PDE3B: variants seen among roughly 807,000 people sequenced by gnomAD.
The protein encoded by PDE3B is cGMP-inhibited 3',5'-cyclic phosphodiesterase 3B.
A neutral mutation model predicts 116.8 loss-of-function variants in PDE3B; 66 were observed. The ratio of observed to expected loss-of-function variants is 0.56; its 90% CI spans 0.46 to 0.69. The LOEUF is 0.69. Ranked by LOEUF, PDE3B falls within the 30% of genes least tolerant of loss-of-function variation. The probability of loss-of-function intolerance (pLI) is 0.00; values close to 1 mark genes in which losing one functional copy is unlikely to be tolerated. For missense variants in PDE3B, 1,384 were observed against 1,368.1 expected (o/e 1.01, Z -0.18); for synonymous variants, 595 against 533.6 (o/e 1.12, Z -1.59).
At chr11:14,877,115 G>A in the PDE3B span, among the ~76,000 whole-genome samples, 5 of 152,094 alleles carry the variant, frequency 3.3e-5, no homozygotes, top group African/African-American at 1.2e-4. Context: ...AACTTTAGAA[G>A]AAATGATGAT....
At chr11:14,849,651 C>T (rs373464785) in intron 12 of PDE3B, among the ~76,000 whole-genome samples, 1 of 151,186 alleles carries the variant, frequency 6.6e-6, no homozygotes, top group Non-Finnish European at 1.5e-5. Context: ...GAAAAAAACA[C>T]ACAACCCCAT....
At chr11:14,665,507 A>T (rs1854107446) in intron 1 of PDE3B, among the ~76,000 whole-genome samples, 1 of 152,202 alleles carries the variant, frequency 6.6e-6, no homozygotes, top group African/African-American at 2.4e-5. Flanking sequence ...ATGATTGTAT[A>T]CCTAGAAAAC....
rs1436233819 is a variant in PDE3B, at chr11:14,834,838, A to G, written c.2207-144A>G. The G allele has an allele frequency of 6.4e-6, 3 of 469,398 alleles. No individual in the cohort carries two copies. The East Asian group carries it at 9.8e-5, about 15-fold the overall frequency. 29.1% of individuals were successfully genotyped at this position (469,398 alleles called of 1,614,324 possible). A position where few individuals can be genotyped will look rare whatever the true frequency, so the allele number is the denominator to read the frequency against. ...AAAAGATATTTTTTTTAATACATCA[A>G]GAGACTTTAGATGAAATAAAATTCA... On this transcript the variant is annotated intron_variant, in intron 10 of 15. Transcript: ENST00000282096.
At chr11:14,716,212 C>G (rs1590084538) in intron 1 of PDE3B, among the ~76,000 whole-genome samples, 3 of 152,190 alleles carry the variant, frequency 2.0e-5, no homozygotes, top group South Asian at 2.1e-4. Flanking sequence ...CTTTTCAGAC[C>G]AGCTTAAAAA....
intron 5 of PDE3B, among the ~76,000 whole-genome samples, chr11:14,811,394 G>A (rs200189667): frequency 2.0e-5 from 3 of 152,252 alleles, no homozygotes; most frequent in South Asian, 4.1e-4. Context: ...TATGGCTAGC[G>A]AGTTTTCCCA....
At chr11:14,688,662 T>C (rs1486341608) in intron 1 of PDE3B, among the ~76,000 whole-genome samples, 1 of 152,234 alleles carries the variant, frequency 6.6e-6, no homozygotes, top group Non-Finnish European at 1.5e-5. Context: ...AGCCATTCAC[T>C]TTTTATTTCT....
intron 12 of PDE3B, among the ~76,000 whole-genome samples, chr11:14,851,349 C>G (rs1847747557): frequency 1.3e-5 from 2 of 151,868 alleles, no homozygotes; most frequent in African/African-American, 4.8e-5. Context: ...TTTTCTGTAG[C>G]CATTTTCTGT....
intron 6 of PDE3B, 97 bp from the exon 7 acceptor site, chr11:14,819,039 G>C (rs1859426597): frequency 1.4e-6 from 1 of 691,594 alleles, no homozygotes; most frequent in Non-Finnish European, 2.5e-6. Flanking sequence ...GTTGCAGTTG[G>C]GATCTTGGTT....
intron 2 of PDE3B, among the ~76,000 whole-genome samples, chr11:14,785,298 G>C (rs1858155251): frequency 1.3e-5 from 2 of 152,078 alleles, no homozygotes; most frequent in Admixed American, 1.3e-4. Flanking sequence ...TTGCAGGGGA[G>C]AAAGGCTAGA....
intron 1 of PDE3B, among the ~76,000 whole-genome samples, chr11:14,706,461 A>G (rs1426731261): frequency 1.3e-5 from 2 of 151,870 alleles, no homozygotes; most frequent in African/African-American, 4.8e-5. Context: ...CTCATTTGTA[A>G]GACAACAATA....
the PDE3B span, among the ~76,000 whole-genome samples, chr11:14,883,804 CCA>C: frequency 6.6e-6 from 1 of 152,146 alleles, no homozygotes; most frequent in African/African-American, 2.4e-5. Context: ...GGGCTAATAT[CCA>C]GAGTCTACAA....
chr11:14,689,502 A>G (rs149949205), intron 1 of PDE3B, among the ~76,000 whole-genome samples: 4 of 152,114 alleles, frequency 2.6e-5, no homozygotes, highest in African/African-American at 9.7e-5. Context: ...TAGTTACTAG[A>G]TTCTAGAGGG....
chr11:14,884,369 A>G, the PDE3B span, among the ~76,000 whole-genome samples: 1 of 152,066 alleles, frequency 6.6e-6, no homozygotes, highest in Non-Finnish European at 1.5e-5. Context: ...TAATGAGTTC[A>G]TGTCCTTTGT....
intron 2 of PDE3B, among the ~76,000 whole-genome samples, chr11:14,778,558 C>G (rs375646620): frequency 2.5e-4 from 38 of 152,346 alleles, no homozygotes; most frequent in African/African-American, 8.2e-4. Context: ...CAAAGAGTGT[C>G]TGGAGTGGAC....
In PDE3B at chr11:14,665,027, T is replaced by A. The variant is rs957349367; in HGVS notation, c.978+19974T>A. On this transcript the variant is annotated intron_variant, in intron 1 of 15. Coordinates refer to ENST00000282096, the MANE Select transcript of PDE3B (RefSeq NM_000922.4). ...GATGCAAAAATCCTCAATAAAATAC[T>A]GGCAATCCGAATCCAGCAGCACATC... Among the ~76,000 whole-genome samples, 4 of 152,178 alleles carry A rather than the reference T, an allele frequency of 2.6e-5. No individual in the cohort carries two copies. The South Asian group carries it at 6.2e-4, about 24-fold the overall frequency.
At chr11:14,769,667 A>G (rs1038857350) in intron 1 of PDE3B, among the ~76,000 whole-genome samples, 26 of 147,608 alleles carry the variant, frequency 1.8e-4, no homozygotes, top group African/African-American at 5.6e-4. Flanking sequence ...AATATTATAT[A>G]TACATATATT....
chr11:14,818,941 A>G (rs2133950489), intron 6 of PDE3B, among the ~76,000 whole-genome samples, 195 bp from the exon 7 acceptor site: 2 of 152,246 alleles, frequency 1.3e-5, no homozygotes, highest in Middle Eastern at 3.4e-3. Flanking sequence ...TTGACTTTTC[A>G]AAAATATTTT....
At chr11:14,858,816 A>G (rs1325952403) in intron 12 of PDE3B, among the ~76,000 whole-genome samples, 2 of 152,148 alleles carry the variant, frequency 1.3e-5, no homozygotes, top group Non-Finnish European at 2.9e-5. Flanking sequence ...CCTTTCACTT[A>G]CTAGAGCTAT....
intron 4 of PDE3B, among the ~76,000 whole-genome samples, chr11:14,793,673 G>T (rs1198939581): frequency 6.6e-6 from 1 of 152,088 alleles, no homozygotes; most frequent in Non-Finnish European, 1.5e-5. Flanking sequence ...AAAAAAATAG[G>T]CAAGTTGTGT....
Sources: gnomAD v4.1 joint callset for allele counts (sites outside exome capture counted in the v4.1 genomes callset) on GRCh38, gnomAD v4.1.1 for gene constraint, MANE v1.5 for transcripts, NCBI Gene and HGNC (gene_info 2026-07-23, HGNC 2026-07-21) for gene names.